The following NXF1 variants were observed in gnomAD, a reference collection of about 807,000 sequenced individuals.
NXF1 encodes mRNA export factor TAP.
NXF1 carries 43 observed loss-of-function variants against 92.4 expected under a neutral mutation model. The ratio of observed to expected loss-of-function variants is 0.47; its 90% CI spans 0.36 to 0.60. NXF1 has a LOEUF of 0.60. NXF1 is among the 20% of genes least tolerant of loss of function. The probability of loss-of-function intolerance (pLI) is 0.00; values close to 1 mark genes in which losing one functional copy is unlikely to be tolerated. For missense variants in NXF1, 576 were observed against 793.0 expected (o/e 0.73, Z 3.29); for synonymous variants, 288 against 292.2 (o/e 0.99, Z 0.15).
intron 10 of NXF1, chr11:62,799,132 T>A (rs2084452068): frequency 1.0e-6 from 1 of 980,876 alleles, no homozygotes; most frequent in South Asian, 4.7e-5. Flanking sequence ...AAGGGAGAGA[T>A]GGGGAGGTAT....
In NXF1 at chr11:62,802,311, G is replaced by A; in HGVS notation, c.370-51C>T. The A allele has an allele frequency of 2.0e-6, 3 of 1,485,674 alleles. No individual in the cohort carries two copies. In the South Asian group the frequency reaches 3.4e-5, roughly 17 times the overall value. The allele number at this position is 1,485,674 out of a possible 1,614,324, so 92.0% of individuals were successfully genotyped here. ...AGGGAATGATAAGTAAGGCTGAATA[G>A]CAGACCCAATACAATGCCTTTTATA... On this transcript the variant is annotated intron_variant, in intron 3 of 20. Coordinates refer to ENST00000294172, the MANE Select transcript of NXF1 (RefSeq NM_006362.5).
rs200296358 is a variant in NXF1, at chr11:62,794,932, T to C, written c.1577+3A>G. 3.7e-6 allele frequency: 6 copies of C among 1,614,064 alleles called. No homozygotes were observed. The African/African-American group carries it at 6.7e-5, about 18-fold the overall frequency. On this transcript the variant is annotated splice_donor_region_variant and intron_variant, in intron 18 of 20. Transcript: ENST00000294172. Reference sequence around the variant, plus strand: ...TATCCAATGCGAAAAGCAGAATACTTACCCTGAATTGCTAGCAGGAACAGC... The same window carrying C: ...TATCCAATGCGAAAAGCAGAATACTCACCCTGAATTGCTAGCAGGAACAGC...
chr11:62,800,058 C>G, intron 10 of NXF1: 1 of 1,182,912 alleles, frequency 8.5e-7, no homozygotes, highest in Non-Finnish European at 1.1e-6. Flanking sequence ...AAGATACCCT[C>G]TGGTTAGAGT....
At chr11:62,800,294 A>T in intron 10 of NXF1, 83 bp downstream of exon 10, 1 of 1,599,074 alleles carries the variant, frequency 6.3e-7, no homozygotes, top group South Asian at 1.1e-5. Context: ...ACATCTCCGC[A>T]GACGGGCCCT....
intron 18 of NXF1, 73 bp from the exon 19 acceptor site, chr11:62,794,513 ATTCT>A: frequency 7.4e-7 from 1 of 1,346,194 alleles, no homozygotes; most frequent in East Asian, 2.3e-5. Context: ...CTATTCTCTG[ATTCT>A]TTCAATATCC....
intron 10 of NXF1, chr11:62,799,058 G>A (rs2084450860): frequency 3.0e-6 from 3 of 992,922 alleles, no homozygotes; most frequent in South Asian, 9.3e-5. Context: ...TCAGGAAGAG[G>A]AGAGGCAAAG....
At position 62,802,041 on chromosome 11, in the gene NXF1, G is replaced by C; in HGVS notation, c.459C>G (p.His153Gln). ...CSVPFTPIEF[H>Q]YENTRAQFFV... ...AGAACTGGGCCCGTGTATTCTCATAGTGAAACTACAAGAGGAAACAGGAGC... is the reference window on the plus strand; with the variant it reads ...AGAACTGGGCCCGTGTATTCTCATACTGAAACTACAAGAGGAAACAGGAGC... The change falls in exon 5 of 21, where the codon CAC becomes CAG. Residue 153 changes from histidine (H) to glutamine (Q), a missense_variant. This residue lies in a region of NXF1 where 425 missense variants were observed against 635.2 expected (regional missense o/e 0.67). Transcript: ENST00000294172. 2.5e-6 allele frequency: 4 copies of C among 1,614,036 alleles called. No individual in the cohort carries two copies. Among genetic ancestry groups the C allele is most frequent in the Non-Finnish European group, 2.5e-6 (3 of 1,179,864 alleles).
In NXF1 at chr11:62,805,398, A is replaced by C. The variant is rs747511104; in HGVS notation, c.-42T>G. 5 of 1,609,126 alleles carry C rather than the reference A, an allele frequency of 3.1e-6. No homozygotes were observed. In the Admixed American group the frequency reaches 5.1e-5, roughly 16 times the overall value. ...AGGGCGGGCTCAGGCGCTGGCCGCTACGCCGGCAAACAACCTAACTCCCAA... is the reference window on the plus strand; with the variant it reads ...AGGGCGGGCTCAGGCGCTGGCCGCTCCGCCGGCAAACAACCTAACTCCCAA... On this transcript the variant is annotated 5_prime_UTR_variant, in exon 1 of 21. Coordinates refer to ENST00000294172, the MANE Select transcript of NXF1 (RefSeq NM_006362.5).
intron 19 of NXF1, among the ~76,000 whole-genome samples, chr11:62,793,361 G>A (rs1490539695): frequency 6.6e-6 from 1 of 152,176 alleles, no homozygotes; most frequent in Admixed American, 6.5e-5. Flanking sequence ...ACAGGTGTGA[G>A]CCACCTCTCC....
chr11:62,792,457 T>C lies in NXF1; in HGVS notation c.*19A>G, dbSNP rs1266549190. On this transcript the variant is annotated 3_prime_UTR_variant, in exon 21 of 21. Transcript: ENST00000294172. ...AAGGACTATTTACAGGGGGGACTGC[T>C]TCTGAGGCATGACTACGATCACTTC... is the stretch of plus-strand genomic sequence containing the variant. 6.2e-7 allele frequency: 1 copy of C among 1,614,100 alleles called. No homozygotes were observed. The highest frequency in any genetic ancestry group is 8.5e-7 in the Non-Finnish European group (1 of 1,179,962).
rs752016448 is a variant in NXF1, at chr11:62,794,246, C to A, written c.1760+12G>T. On this transcript the variant is annotated intron_variant, in intron 19 of 20. Transcript: ENST00000294172. ...TCAGTGCATCCCCATCCTACACATG[C>A]CCCGCACTCACTTCTGGGACCACTC... The A allele has an allele frequency of 1.2e-6, 2 of 1,608,296 alleles. No individual in the cohort carries two copies.
At chr11:62,795,778 G>A (rs2084413459) in intron 17 of NXF1, 123 bp downstream of exon 17, 10 of 939,100 alleles carry the variant, frequency 1.1e-5, no homozygotes, top group Non-Finnish European at 1.5e-5. Flanking sequence ...CTTGGGGGCA[G>A]AATGGGAGAA....
intron 9 of NXF1, among the ~76,000 whole-genome samples, chr11:62,800,791 A>C (rs950016938): frequency 6.6e-6 from 1 of 151,824 alleles, no homozygotes; most frequent in African/African-American, 2.4e-5. Context: ...AATTAAAAAA[A>C]TTTTTTTGAG....
At chr11:62,797,551 C>A (rs1048943474) in intron 11 of NXF1, among the ~76,000 whole-genome samples, 165 bp from the exon 12 acceptor site, 1 of 151,822 alleles carries the variant, frequency 6.6e-6, no homozygotes, top group African/African-American at 2.4e-5. Flanking sequence ...AAAAAAAATA[C>A]AAAAATTAGC....
At chr11:62,800,124 T>C in intron 10 of NXF1, 11 of 1,344,406 alleles carry the variant, frequency 8.2e-6, no homozygotes, top group Non-Finnish European at 1.1e-5. Context: ...TAGAAAAGGT[T>C]GTGTTCAGGA....
chr11:62,804,059 G>C, intron 1 of NXF1, 81 bp from the exon 2 acceptor site: 3 of 1,598,740 alleles, frequency 1.9e-6, no homozygotes, highest in Non-Finnish European at 2.5e-6. Context: ...CTAGTACTCT[G>C]AACTATTGGA....
intron 19 of NXF1, among the ~76,000 whole-genome samples, chr11:62,793,442 T>A (rs2084387679): frequency 6.6e-6 from 1 of 152,212 alleles, no homozygotes; most frequent in Non-Finnish European, 1.5e-5. Flanking sequence ...CCAGGCACAG[T>A]AACTCACACC....
rs373510179 is a variant in NXF1 at position 62,797,520 on chromosome 11, G to A, written c.1054-134C>T. 26 of 742,542 alleles carry A rather than the reference G, an allele frequency of 3.5e-5. No homozygotes were observed. In the African/African-American group the frequency reaches 3.5e-4, roughly 10 times the overall value. The allele number at this position is 742,542 out of a possible 1,614,324, so 46.0% of individuals were successfully genotyped here. On this transcript the variant is annotated intron_variant, in intron 11 of 20. Transcript: ENST00000294172. Reference sequence around the variant, plus strand: ...TTTGAGACCAGCCTGGCTGGACAACGTGGCAAAACCCATCTCTACCAAAAA... The same window carrying A: ...TTTGAGACCAGCCTGGCTGGACAACATGGCAAAACCCATCTCTACCAAAAA...
Position 62,800,552 on chromosome 11 carries a change from C to T in NXF1, c.907-66G>A. On this transcript the variant is annotated intron_variant, in intron 9 of 20. Coordinates refer to ENST00000294172, the MANE Select transcript of NXF1 (RefSeq NM_006362.5). ...AAGACAGCCAGCTGGCTCCCCATAC[C>T]CCCAGTCCCTACGCTTAGCTCTGAG... 3.8e-6 allele frequency: 4 copies of T among 1,053,430 alleles called. No individual in the cohort carries two copies. The South Asian group carries it at 5.5e-5, about 15-fold the overall frequency. The allele number at this position is 1,053,430 out of a possible 1,614,324, so 65.3% of individuals were successfully genotyped here. A position where few individuals can be genotyped will look rare whatever the true frequency, so the allele number is the denominator to read the frequency against.
Sources: gnomAD v4.1 joint callset for allele counts (sites outside exome capture counted in the v4.1 genomes callset) on GRCh38, gnomAD v4.1.1 for gene constraint, gnomAD v4.1.1 regional missense constraint, MANE v1.5 for transcripts, NCBI Gene and HGNC (gene_info 2026-07-23, HGNC 2026-07-21) for gene names.